The following RAD51B variants were observed in gnomAD, a reference collection of about 807,000 sequenced individuals.
RAD51B encodes the protein DNA repair protein RAD51 homolog 2.
A neutral mutation model predicts 42.2 loss-of-function variants in RAD51B; 38 were observed. That is an observed-to-expected ratio of 0.90 (90% CI 0.70 to 1.18). The LOEUF is 1.18. Among genes scored for constraint, RAD51B ranks in the 50% most tolerant of loss-of-function variants. RAD51B has a pLI of 0.00. For synonymous variants in RAD51B, 154 were observed against 145.2 expected (o/e 1.06, Z -0.43); for missense variants, 373 against 400.7 (o/e 0.93, Z 0.59).
intron 1 of RAD51B, among the ~76,000 whole-genome samples, chr14:67,820,590 A>C (rs373795463): frequency 1.3e-5 from 2 of 152,158 alleles, no homozygotes; most frequent in East Asian, 3.9e-4. Flanking sequence ...CTTGCAAGCC[A>C]TAATAGTATT....
intron 10 of RAD51B, chr14:68,541,913 G>C: frequency 1.1e-6 from 1 of 898,652 alleles, no homozygotes; most frequent in Non-Finnish European, 1.3e-6. Flanking sequence ...ATTTTGTATA[G>C]AAGTGGTTCC....
chr14:68,091,072 G>A lies in RAD51B; in HGVS notation c.757-200812G>A, dbSNP rs547930909. 6.6e-5 allele frequency among the ~76,000 whole-genome samples: 10 copies of A among 152,130 alleles called. No homozygotes were observed. In the South Asian group the frequency reaches 1.7e-3, roughly 25 times the overall value. On this transcript the variant is annotated intron_variant, in intron 7 of 10. Transcript: ENST00000471583. Reference sequence around the variant, plus strand: ...CTGCATAGTATTCCATGGCGTATATGTGCCACATTTTCTTAATCCAGTCTA... The same window carrying A: ...CTGCATAGTATTCCATGGCGTATATATGCCACATTTTCTTAATCCAGTCTA...
At chr14:68,674,994 C>A (rs1397041722) in intron 11 of RAD51B, among the ~76,000 whole-genome samples, 1 of 152,168 alleles carries the variant, frequency 6.6e-6, no homozygotes, top group African/African-American at 2.4e-5. Flanking sequence ...CTTTAAAGTG[C>A]CAAGTCAGAT....
At chr14:68,476,696 C>T (rs1281967609) in intron 10 of RAD51B, among the ~76,000 whole-genome samples, 1 of 152,162 alleles carries the variant, frequency 6.6e-6, no homozygotes, top group Non-Finnish European at 1.5e-5. Flanking sequence ...TGCTGCTCGC[C>T]AGCCATGCGA....
Position 68,008,485 on chromosome 14 carries a change from G to A in RAD51B, c.756+121281G>A, listed in dbSNP as rs538576246. On this transcript the variant is annotated intron_variant, in intron 7 of 10. Transcript: ENST00000471583. ...ATATTGACAGTGATTACCTTCGGGC[G>A]GTGTAATTAAGGTTGATATTTATTT... Among the ~76,000 whole-genome samples the A allele has an allele frequency of 1.1e-4, 16 of 151,906 alleles. No individual in the cohort carries two copies. The South Asian group carries it at 2.7e-3, about 26-fold the overall frequency.
chr14:67,910,096 A>T (rs1244179126), intron 7 of RAD51B, among the ~76,000 whole-genome samples: 1 of 152,036 alleles, frequency 6.6e-6, no homozygotes, highest in Non-Finnish European at 1.5e-5. Flanking sequence ...TTTTTCAGAA[A>T]TTTTTTTCTT....
intron 8 of RAD51B, among the ~76,000 whole-genome samples, chr14:68,393,166 A>G (rs1394427502): frequency 6.6e-6 from 1 of 152,232 alleles, no homozygotes; most frequent in Non-Finnish European, 1.5e-5. Context: ...GGAAAACATT[A>G]TTAGCTGGAA....
At chr14:68,635,296 G>A (rs1892320236) in intron 10 of RAD51B, among the ~76,000 whole-genome samples, 1 of 151,980 alleles carries the variant, frequency 6.6e-6, no homozygotes, top group African/African-American at 2.4e-5. Flanking sequence ...CTTCAACCTG[G>A]GCAACTCCAC....
intron 7 of RAD51B, among the ~76,000 whole-genome samples, chr14:68,276,607 G>T (rs2081230236): frequency 2.0e-5 from 3 of 152,072 alleles, no homozygotes; most frequent in Admixed American, 2.0e-4. Flanking sequence ...TGTTGAGCCA[G>T]GTTTTCTATT....
intron 7 of RAD51B, among the ~76,000 whole-genome samples, chr14:68,065,158 G>C (rs1595348415): frequency 6.6e-6 from 1 of 152,118 alleles, no homozygotes; most frequent in East Asian, 1.9e-4. Context: ...TCTCAGTTGG[G>C]TGGGGTATGT....
chr14:68,368,518 T>C (rs991145950), intron 8 of RAD51B, among the ~76,000 whole-genome samples: 11 of 152,242 alleles, frequency 7.2e-5, no homozygotes, highest in Non-Finnish European at 7.3e-5. Context: ...GCCTGGGTGC[T>C]TCTAGCTAGA....
At chr14:68,346,728 C>T (rs2082684894) in intron 8 of RAD51B, among the ~76,000 whole-genome samples, 1 of 152,182 alleles carries the variant, frequency 6.6e-6, no homozygotes, top group Non-Finnish European at 1.5e-5. Context: ...AGCATACATA[C>T]AGGGACCTCA....
intron 7 of RAD51B, among the ~76,000 whole-genome samples, chr14:68,147,115 C>T (rs2078267635): frequency 6.6e-6 from 1 of 152,140 alleles, no homozygotes; most frequent in Admixed American, 6.5e-5. Flanking sequence ...TGAGGCATAA[C>T]AGCCAGAGAT....
intron 7 of RAD51B, among the ~76,000 whole-genome samples, chr14:67,935,155 A>G (rs1320841533): frequency 3.9e-5 from 6 of 152,256 alleles, no homozygotes; most frequent in Non-Finnish European, 7.3e-5. Flanking sequence ...TGTACTTGGT[A>G]TAAGATAAAT....
At chr14:68,204,184 T>G (rs539901645) in intron 7 of RAD51B, among the ~76,000 whole-genome samples, 1 of 152,348 alleles carries the variant, frequency 6.6e-6, no homozygotes, top group Non-Finnish European at 1.5e-5. Flanking sequence ...CTCTAACTTT[T>G]GATTTAAAAT....
At chr14:67,977,343 G>A (rs2075014546) in intron 7 of RAD51B, among the ~76,000 whole-genome samples, 1 of 152,206 alleles carries the variant, frequency 6.6e-6, no homozygotes, top group African/African-American at 2.4e-5. Context: ...GATGAGCTGG[G>A]ACTGCAGGAC....
downstream of RAD51B, among the ~76,000 whole-genome samples, chr14:68,478,603 A>G (rs747243510): frequency 2.0e-5 from 3 of 152,262 alleles, no homozygotes; most frequent in Non-Finnish European, 4.4e-5. Flanking sequence ...AAAGCCAGGC[A>G]TTAAATCTTT....
chr14:68,347,865 C>T (rs1395267133), intron 8 of RAD51B, among the ~76,000 whole-genome samples: 1 of 152,178 alleles, frequency 6.6e-6, no homozygotes, highest in Non-Finnish European at 1.5e-5. Context: ...TGAGAGAGGA[C>T]TTTAAAGTGT....
intron 7 of RAD51B, among the ~76,000 whole-genome samples, chr14:68,103,678 T>A (rs2140559679): frequency 6.6e-6 from 1 of 152,284 alleles, no homozygotes; most frequent in East Asian, 1.9e-4. Context: ...CAGATTTCAT[T>A]AGAGGATAGA....
Sources: gnomAD v4.1 joint callset for allele counts (sites outside exome capture counted in the v4.1 genomes callset) on GRCh38, gnomAD v4.1.1 for gene constraint, MANE v1.5 for transcripts, NCBI Gene and HGNC (gene_info 2026-07-23, HGNC 2026-07-21) for gene names.